Variants in MYL10 observed in about 807,000 individuals in gnomAD.
MYL10 encodes myosin light chain 10.
MYL10 carries 18 observed loss-of-function variants against 21.9 expected under a neutral mutation model. The ratio of observed to expected loss-of-function variants is 0.82; its 90% CI spans 0.57 to 1.22. The LOEUF is 1.22. Ranked by LOEUF, MYL10 falls within the 50% of genes most tolerant of loss-of-function variation. The pLI, the probability that MYL10 is intolerant of heterozygous loss-of-function variation, is 0.00. For missense variants in MYL10, 225 were observed against 230.4 expected (o/e 0.98, Z 0.15); for synonymous variants, 88 against 82.8 (o/e 1.06, Z -0.34).
chr7:101,618,731 C>T (rs966921192), intron 5 of MYL10, among the ~76,000 whole-genome samples: 3 of 152,028 alleles, frequency 2.0e-5, no homozygotes, highest in South Asian at 4.1e-4. Flanking sequence ...CCCCTCCCAC[C>T]AGCCTCTCAC....
In MYL10 at chr7:101,626,822, G is replaced by A. The variant is rs1796751956; in HGVS notation, c.78+2219C>T. Among the ~76,000 whole-genome samples, 7 of 152,282 alleles carry A rather than the reference G, an allele frequency of 4.6e-5. No homozygotes were observed. The South Asian group carries it at 1.0e-3, about 23-fold the overall frequency. On this transcript the variant is annotated intron_variant, in intron 1 of 7. Coordinates refer to ENST00000223167, the MANE Select transcript of MYL10 (RefSeq NM_138403.5). ...AGCAGAGGCTCAAATCAGGACCCAC[G>A]TGGAGAGGAGTCCCGAGTGGGGCAG...
rs1796576103 is a variant in MYL10 at position 101,613,673 on chromosome 7, T to G, written c.571A>C (p.Ser191Arg). 1.2e-6 allele frequency: 2 copies of G among 1,614,024 alleles called. No homozygotes were observed. The highest frequency in any genetic ancestry group is 1.7e-6 in the Non-Finnish European group (2 of 1,180,024). Residue 191 changes from serine to arginine, a missense_variant, in exon 7 of 8, where the codon AGT (serine) becomes CGT (arginine). Coordinates refer to ENST00000223167, the MANE Select transcript of MYL10 (RefSeq NM_138403.5). ...EKLMTQADRF[S>R]EEEVKQMFAA... ...GAATCCCAGTTTACCTCCTCCTCAC[T>G]GAAGCGGTCTGCCTGGGTCATAAGT...
At chr7:101,627,936 G>A (rs1339746432) in intron 1 of MYL10, among the ~76,000 whole-genome samples, 3 of 152,186 alleles carry the variant, frequency 2.0e-5, no homozygotes, top group East Asian at 3.9e-4. Flanking sequence ...TGGGACTCTG[G>A]GTGGGACATC....
intron 3 of MYL10, among the ~76,000 whole-genome samples, chr7:101,623,303 C>A (rs926591449): frequency 2.0e-5 from 3 of 152,196 alleles, no homozygotes; most frequent in African/African-American, 7.2e-5. Context: ...CGAGGTCACA[C>A]AGCAAGCACA....
At chr7:101,628,666 C>G (rs80201568) in intron 1 of MYL10, among the ~76,000 whole-genome samples, 2,039 of 152,250 alleles carry the variant, frequency 0.013, 38 homozygotes, top group African/African-American at 0.045. Flanking sequence ...AGCCCCAGCT[C>G]GGCCTCAGAG....
chr7:101,620,239 C>T (rs1226283885), intron 5 of MYL10, among the ~76,000 whole-genome samples: 1 of 152,106 alleles, frequency 6.6e-6, no homozygotes, highest in Non-Finnish European at 1.5e-5. Flanking sequence ...GCGTGAGAAT[C>T]GCTTGAACCT....
In MYL10 at chr7:101,613,493, G is replaced by A. The variant is rs140748412; in HGVS notation, c.663C>T (p.His221=). ...DYRNLCYVIT[H]GEEKD ...TGATCCCCTAATCCTTCTCTTCACC[G>A]TGAGTGATGACGTAGCACAGGTTTC... Residue 221 remains histidine, a synonymous_variant, in exon 8 of 8, where the codon CAC becomes CAT. Transcript: ENST00000223167. 1,372 of 1,613,846 alleles carry A rather than the reference G, an allele frequency of 8.5e-4. 5 individuals carry two copies. The highest frequency in any genetic ancestry group is 2.8e-3 in the Admixed American group (171 of 60,022).
At chr7:101,620,614 A>C (rs942430875) in intron 5 of MYL10, among the ~76,000 whole-genome samples, 1 of 152,148 alleles carries the variant, frequency 6.6e-6, no homozygotes, top group African/African-American at 2.4e-5. Flanking sequence ...CAGAAAGCAG[A>C]TAAATCTGTG....
intron 5 of MYL10, among the ~76,000 whole-genome samples, chr7:101,616,729 A>C (rs771154139): frequency 6.6e-6 from 1 of 152,144 alleles, no homozygotes; most frequent in Non-Finnish European, 1.5e-5. Flanking sequence ...GTGTTACCCA[A>C]GCTGTGCACA....
intron 1 of MYL10, among the ~76,000 whole-genome samples, chr7:101,624,558 G>A (rs1796723121): frequency 1.3e-5 from 2 of 152,210 alleles, no homozygotes; most frequent in African/African-American, 2.4e-5. Flanking sequence ...GCAGAACAGA[G>A]GCGGGCATCT....
chr7:101,616,106 C>T (rs540334974), intron 6 of MYL10, 114 bp downstream of exon 6: 42 of 782,592 alleles, frequency 5.4e-5, no homozygotes, highest in South Asian at 4.8e-4. Context: ...GGCTGGGCAG[C>T]GGCCCCCCAG....
chr7:101,622,359 G>A (rs1002606262), intron 4 of MYL10, among the ~76,000 whole-genome samples, 159 bp from the exon 5 acceptor site: 1 of 152,136 alleles, frequency 6.6e-6, no homozygotes, highest in African/African-American at 2.4e-5. Context: ...GGGCATTTGG[G>A]CCACAGTCAG....
At chr7:101,625,617 A>C (rs1229060904) in intron 1 of MYL10, among the ~76,000 whole-genome samples, 1 of 150,988 alleles carries the variant, frequency 6.6e-6, no homozygotes, top group Non-Finnish European at 1.5e-5. Context: ...GGGCAGGGGC[A>C]GAAGCGCCGG....
At chr7:101,624,327 G>C in intron 1 of MYL10, 63 bp from the exon 2 acceptor site, 1 of 1,245,824 alleles carries the variant, frequency 8.0e-7, no homozygotes, top group African/African-American at 1.5e-5. Flanking sequence ...CCCACCCCCT[G>C]TCTCACCTCC....
intron 1 of MYL10, among the ~76,000 whole-genome samples, 169 bp downstream of exon 1, chr7:101,628,872 G>T (rs919466299): frequency 6.6e-6 from 1 of 152,212 alleles, no homozygotes; most frequent in Non-Finnish European, 1.5e-5. Flanking sequence ...ATAATAAGAA[G>T]AGCAGCTAAT....
At chr7:101,619,165 G>C (rs1366197639) in intron 5 of MYL10, among the ~76,000 whole-genome samples, 2 of 152,228 alleles carry the variant, frequency 1.3e-5, no homozygotes, top group Admixed American at 6.5e-5. Context: ...GTGGATAAAA[G>C]AATCAGGCCT....
intron 1 of MYL10, among the ~76,000 whole-genome samples, chr7:101,626,103 T>C (rs1317659793): frequency 6.6e-6 from 1 of 152,142 alleles, no homozygotes; most frequent in Non-Finnish European, 1.5e-5. Flanking sequence ...AAGGAACATC[T>C]CAGGGAAGAA....
In MYL10 at chr7:101,624,035, A is replaced by AAATAAT. The variant is rs377013054; in HGVS notation, c.172-20_172-15dup. 1.4e-5 allele frequency: 9 copies of AAATAAT among 653,202 alleles called. No individual in the cohort carries two copies. The highest frequency in any genetic ancestry group is 1.0e-4 in the South Asian group (6 of 57,944). 40.5% of individuals were successfully genotyped at this position (653,202 alleles called of 1,614,324 possible). On this transcript the variant is annotated splice_polypyrimidine_tract_variant and intron_variant, in intron 2 of 7. Coordinates refer to ENST00000223167, the MANE Select transcript of MYL10 (RefSeq NM_138403.5). ...CAGAGCCAGACTCTGTCAAACAAACAAATAATAATAATAATAATAGTAATA... is the reference window on the plus strand; with the variant it reads ...CAGAGCCAGACTCTGTCAAACAAACAAATAATAATAATAATAATAATAATAGTAATA...
intron 1 of MYL10, among the ~76,000 whole-genome samples, chr7:101,627,281 A>G (rs1366901457): frequency 6.8e-6 from 1 of 147,872 alleles, no homozygotes; most frequent in Non-Finnish European, 1.5e-5. Flanking sequence ...CCTGGGCAAC[A>G]GAGTGAGATT....
Sources: allele counts gnomAD v4.1 joint callset (sites outside exome capture counted in the v4.1 genomes callset), GRCh38; gene constraint gnomAD v4.1.1; transcripts MANE v1.5; gene names NCBI Gene and HGNC (gene_info 2026-07-23, HGNC 2026-07-21).